ROBO2: variants seen among roughly 807,000 people sequenced by gnomAD.
The protein encoded by ROBO2 is roundabout homolog 2.
ROBO2 carries 53 observed loss-of-function variants against 160.8 expected under a neutral mutation model. That is an observed-to-expected ratio of 0.33 (90% CI 0.26 to 0.41). The LOEUF is 0.41. ROBO2 is among the 10% of genes least tolerant of loss of function. ROBO2 has a pLI of 1.00. For missense variants in ROBO2, 1,577 were observed against 1,722.4 expected (o/e 0.92, Z 1.49); for synonymous variants, 664 against 611.7 (o/e 1.09, Z -1.26).
At position 77,622,282 on chromosome 3, in the gene ROBO2, G is replaced by A. The variant is rs202092027; in HGVS notation, c.3610G>A (p.Val1204Met). The A allele has an allele frequency of 2.5e-6, 4 of 1,614,158 alleles. No individual in the cohort carries two copies. In the African/African-American group the frequency reaches 4.0e-5, roughly 16 times the overall value. The change falls in exon 23 of 26, where the codon GTG becomes ATG. Residue 1204 changes from valine (V) to methionine (M), a missense_variant. Physicochemically the swap from Val to Met is conservative, Grantham distance 21. Transcript: ENST00000461745. Reference sequence around the variant, plus strand: ...GCCTCCAGTTCCACCGTTAGGTTATGTGTCTGGAGCCTTGATTTCTGATTT... The same window carrying A: ...GCCTCCAGTTCCACCGTTAGGTTATATGTCTGGAGCCTTGATTTCTGATTT...
At chr3:76,009,338 C>T (rs1480526574) in intron 2 of ROBO2, among the ~76,000 whole-genome samples, 2 of 152,082 alleles carry the variant, frequency 1.3e-5, no homozygotes, top group Admixed American at 1.3e-4. Context: ...CTCCTGACCT[C>T]GTGATCCTCG....
At chr3:77,118,504 T>C (rs906887166) in intron 2 of ROBO2, among the ~76,000 whole-genome samples, 1 of 152,194 alleles carries the variant, frequency 6.6e-6, no homozygotes, top group South Asian at 2.1e-4. Flanking sequence ...CTAGCACTTA[T>C]GCTTCCTCAG....
rs373345511 is a variant in ROBO2 at position 76,626,479 on chromosome 3, A to C, written c.110-471535A>C. ...TGAGATTGCTGAGAAGGGATCAAAA[A>C]AGTACCAAGAAAATGAGGAGAGATA... On this transcript the variant is annotated intron_variant, in intron 2 of 26. Coordinates refer to the ROBO2 transcript ENST00000487694. 6.2e-4 allele frequency among the ~76,000 whole-genome samples: 94 copies of C among 152,278 alleles called. 1 individual carries two copies. The South Asian group carries it at 6.2e-3, about 10-fold the overall frequency.
intron 2 of ROBO2, among the ~76,000 whole-genome samples, chr3:76,486,223 A>G (rs1459446322): frequency 6.6e-6 from 1 of 152,198 alleles, no homozygotes; most frequent in African/African-American, 2.4e-5. Context: ...CCACAGGGGC[A>G]TTGTCAAGAT....
At chr3:76,865,374 A>C (rs902117660) in intron 2 of ROBO2, among the ~76,000 whole-genome samples, 1 of 142,402 alleles carries the variant, frequency 7.0e-6, no homozygotes, top group Non-Finnish European at 1.6e-5. Context: ...AGAGCATCAA[A>C]TAACTGTCCT....
intron 2 of ROBO2, among the ~76,000 whole-genome samples, chr3:76,340,691 C>T (rs954686587): frequency 2.6e-5 from 4 of 152,034 alleles, no homozygotes; most frequent in Admixed American, 2.0e-4. Flanking sequence ...TGGGAGAGCC[C>T]GGCAAGTTGT....
In ROBO2 at chr3:77,040,060, C is replaced by A. The variant is rs1290342509; in HGVS notation, c.-726C>A. 1.6e-5 allele frequency: 4 copies of A among 257,974 alleles called. 1 individual carries two copies. Among genetic ancestry groups the A allele is most frequent in the Non-Finnish European group, 2.4e-5 (4 of 165,196 alleles). The allele number at this position is 257,974 out of a possible 1,614,324, so 16.0% of individuals were successfully genotyped here. A position where few individuals can be genotyped will look rare whatever the true frequency, so the allele number is the denominator to read the frequency against. Reference sequence around the variant, plus strand: ...CGGCCTCCGCCCGGCCCCTCCCTCCCTCCCTCCCTCCCTCGCTCCTTCCCT... The same window carrying A: ...CGGCCTCCGCCCGGCCCCTCCCTCCATCCCTCCCTCCCTCGCTCCTTCCCT... On this transcript the variant is annotated 5_prime_UTR_variant, in exon 1 of 26. Coordinates refer to ENST00000461745, the Ensembl canonical transcript of ROBO2.
intron 2 of ROBO2, among the ~76,000 whole-genome samples, chr3:76,700,975 G>C (rs1428553770): frequency 6.6e-6 from 1 of 151,942 alleles, no homozygotes; most frequent in Non-Finnish European, 1.5e-5. Context: ...CTATACACCA[G>C]AAATTATCAT....
intron 2 of ROBO2, among the ~76,000 whole-genome samples, chr3:77,181,837 G>C (rs570112099): frequency 6.6e-6 from 1 of 151,918 alleles, no homozygotes; most frequent in African/African-American, 2.4e-5. Context: ...TATCAATTAC[G>C]TAACATATTT....
At chr3:77,328,690 T>G (rs903705348) in intron 2 of ROBO2, among the ~76,000 whole-genome samples, 2 of 152,242 alleles carry the variant, frequency 1.3e-5, no homozygotes. Flanking sequence ...TCACATTGCA[T>G]TGCCCCTGTT....
chr3:76,853,121 C>A (rs554408565), intron 2 of ROBO2, among the ~76,000 whole-genome samples: 2 of 152,134 alleles, frequency 1.3e-5, no homozygotes, highest in African/African-American at 4.8e-5. Flanking sequence ...AAAGCACATA[C>A]TTTCCATATT....
rs976494113 is a variant in ROBO2 at position 77,078,792 on chromosome 3, A to C, written c.62-19222A>C. Among the ~76,000 whole-genome samples, 20 of 152,072 alleles carry C rather than the reference A, an allele frequency of 1.3e-4. No individual in the cohort carries two copies. The East Asian group carries it at 3.9e-3, about 29-fold the overall frequency. On this transcript the variant is annotated intron_variant, in intron 1 of 25. Coordinates refer to ENST00000461745, the Ensembl canonical transcript of ROBO2. The stretch of plus-strand genomic sequence containing the variant: ...GGATCAGGGCCTCCCACACCCCGCA[A>C]CTCACCAGTGCTACCAGTTTCCCAC...
upstream of ROBO2, among the ~76,000 whole-genome samples, chr3:77,039,456 C>T (rs548901086): frequency 6.6e-6 from 1 of 152,306 alleles, no homozygotes; most frequent in South Asian, 2.1e-4. Context: ...TCCATGAAAT[C>T]ACTCACGGAG....
chr3:76,272,731 A>AAAT (rs1559705167), intron 2 of ROBO2, among the ~76,000 whole-genome samples: 29 of 47,856 alleles, frequency 6.1e-4, no homozygotes, highest in Non-Finnish European at 9.0e-4. Flanking sequence ...TACACATATA[A>AAAT]ATATATATAT....
At chr3:77,518,355 C>T (rs7431138) in intron 5 of ROBO2, among the ~76,000 whole-genome samples, 120,054 of 151,376 alleles carry the variant, frequency 0.79, 48,339 homozygotes, top group African/African-American at 0.93. Flanking sequence ...AAATACATCA[C>T]ATAAACTGCT....
At chr3:76,551,454 G>T (rs1370985449) in intron 2 of ROBO2, among the ~76,000 whole-genome samples, 3 of 152,006 alleles carry the variant, frequency 2.0e-5, no homozygotes, top group African/African-American at 7.2e-5. Context: ...CATTCATCCT[G>T]GACGTGGGAC....
intron 4 of ROBO2, among the ~76,000 whole-genome samples, chr3:77,487,721 G>A (rs1462873596): frequency 6.6e-6 from 1 of 152,098 alleles, no homozygotes. Flanking sequence ...GTCAAGATAA[G>A]GTTTACAAGC....
At chr3:77,199,463 A>C (rs1023646889) in intron 2 of ROBO2, among the ~76,000 whole-genome samples, 1 of 152,128 alleles carries the variant, frequency 6.6e-6, no homozygotes, top group South Asian at 2.1e-4. Flanking sequence ...ATATTCAGAG[A>C]AAAATCATAT....
intron 2 of ROBO2, among the ~76,000 whole-genome samples, chr3:77,120,077 T>C (rs2074597102): frequency 6.6e-6 from 1 of 152,210 alleles, no homozygotes; most frequent in African/African-American, 2.4e-5. Flanking sequence ...TGGATTAGTG[T>C]TTTGAATCAT....
Sources: allele counts gnomAD v4.1 joint callset (sites outside exome capture counted in the v4.1 genomes callset), GRCh38; gene constraint gnomAD v4.1.1; transcripts MANE v1.5; gene names NCBI Gene and HGNC (gene_info 2026-07-23, HGNC 2026-07-21).